Variants in CDH8 observed in about 807,000 individuals in gnomAD.
CDH8 encodes the protein cadherin-8.
In CDH8, 17 loss-of-function variants were observed where a neutral mutation model predicts 68.1. The observed-to-expected ratio is 0.25, with a 90% CI of 0.17 to 0.37. CDH8 has a LOEUF of 0.37. Among genes scored for constraint, CDH8 ranks in the 10% least tolerant of loss-of-function variants. The probability of loss-of-function intolerance (pLI) is 1.00; values close to 1 mark genes in which losing one functional copy is unlikely to be tolerated. For missense variants in CDH8, 763 were observed against 999.3 expected, an observed-to-expected ratio of 0.76 and a Z score of 3.19; for synonymous variants, 372 against 365.1, an observed-to-expected ratio of 1.02 and a Z score of -0.21.
chr16:61,771,336 A>T (rs544655548), intron 8 of CDH8, among the ~76,000 whole-genome samples: 48 of 151,744 alleles, frequency 3.2e-4, no homozygotes, highest in Non-Finnish European at 5.9e-4. Flanking sequence ...TGTGAAAAAC[A>T]GTTCAGCAGG....
intron 10 of CDH8, among the ~76,000 whole-genome samples, chr16:61,712,254 A>G (rs983544242): frequency 1.3e-5 from 2 of 151,674 alleles, no homozygotes; most frequent in African/African-American, 2.4e-5. Context: ...AAGGCATAAT[A>G]AATACGTGTC....
rs185581803 is a variant in CDH8 at position 61,916,402 on chromosome 16, C to G, written c.253-14929G>C. On this transcript the variant is annotated intron_variant, in intron 2 of 11. Transcript: ENST00000577390. ...TGGTGGCGCATGCCTGACGTCCCAG[C>G]TACTTGGGAGGCTGAGGCAGGGGAA... is the stretch of plus-strand genomic sequence containing the variant. 1.2e-4 allele frequency among the ~76,000 whole-genome samples: 19 copies of G among 152,212 alleles called. No individual in the cohort carries two copies. The East Asian group carries it at 3.5e-3, about 28-fold the overall frequency.
chr16:61,842,536 A>G (rs573076842), intron 4 of CDH8, among the ~76,000 whole-genome samples: 38 of 152,260 alleles, frequency 2.5e-4, no homozygotes, highest in Non-Finnish European at 5.3e-4. Context: ...TGTTTATTAT[A>G]AATTATCCAG....
intron 10 of CDH8, among the ~76,000 whole-genome samples, chr16:61,670,163 A>G (rs1963762409): frequency 6.6e-6 from 1 of 151,928 alleles, no homozygotes; most frequent in Non-Finnish European, 1.5e-5. Context: ...CATCCAATAA[A>G]CTCACTTCTT....
chr16:61,873,015 A>C (rs928740849), intron 3 of CDH8, among the ~76,000 whole-genome samples: 4 of 152,296 alleles, frequency 2.6e-5, no homozygotes, highest in African/African-American at 9.6e-5. Context: ...CATTCAGAAG[A>C]GCCTGGGAAA....
chr16:61,896,723 C>T (rs931782230), intron 3 of CDH8, among the ~76,000 whole-genome samples: 3 of 151,856 alleles, frequency 2.0e-5, no homozygotes, highest in African/African-American at 7.3e-5. Context: ...TGCATAAAAT[C>T]GATATATAAG....
chr16:61,767,731 T>C (rs778328786), intron 8 of CDH8, among the ~76,000 whole-genome samples: 3 of 151,912 alleles, frequency 2.0e-5, no homozygotes, highest in Non-Finnish European at 2.9e-5. Flanking sequence ...CTAAAGTGAA[T>C]GTTGCTTCAG....
intron 5 of CDH8, among the ~76,000 whole-genome samples, chr16:61,822,721 T>C (rs1250839657): frequency 6.6e-6 from 1 of 151,898 alleles, no homozygotes; most frequent in Non-Finnish European, 1.5e-5. Context: ...ATTGGTGTAA[T>C]GATTCCATTT....
At chr16:61,968,445 T>A (rs1965289049) in intron 2 of CDH8, among the ~76,000 whole-genome samples, 1 of 152,134 alleles carries the variant, frequency 6.6e-6, no homozygotes, top group African/African-American at 2.4e-5. Context: ...GGCACAATGG[T>A]GAGTCAAATC....
rs556956147 is a variant in CDH8 at position 62,000,193 on chromosome 16, G to A, written c.252+20959C>T. On this transcript the variant is annotated intron_variant, in intron 2 of 11. Transcript: ENST00000577390. ...ATATGTGCCACATTTTCTTTATCCA[G>A]TCTATCATTGATAAGCATTTGGGTT... 2.6e-5 allele frequency among the ~76,000 whole-genome samples: 4 copies of A among 152,188 alleles called. No homozygotes were observed. The South Asian group carries it at 6.2e-4, about 24-fold the overall frequency.
At chr16:61,878,905 C>T (rs1457632191) in intron 3 of CDH8, among the ~76,000 whole-genome samples, 1 of 152,128 alleles carries the variant, frequency 6.6e-6, no homozygotes, top group African/African-American at 2.4e-5. Flanking sequence ...TCTGCTGCCC[C>T]ACGTGAGTTT....
intron 2 of CDH8, among the ~76,000 whole-genome samples, chr16:61,963,172 G>C (rs1261272463): frequency 6.6e-6 from 1 of 152,110 alleles, no homozygotes; most frequent in Non-Finnish European, 1.5e-5. Context: ...CTTCCCCAGA[G>C]TAGAAAGCAA....
At chr16:61,748,216 A>C (rs1356267670) in intron 8 of CDH8, among the ~76,000 whole-genome samples, 3 of 105,730 alleles carry the variant, frequency 2.8e-5, no homozygotes, top group Non-Finnish European at 5.2e-5. Context: ...GCCATTTGAG[A>C]ATGTCATCAT....
intron 2 of CDH8, among the ~76,000 whole-genome samples, chr16:61,949,982 T>A (rs1258240063): frequency 7.6e-6 from 1 of 131,792 alleles, no homozygotes; most frequent in Non-Finnish European, 1.6e-5. Context: ...AGCAAGACCC[T>A]GTCTTAAAAA....
At chr16:61,835,320 C>T (rs1962545346) in intron 4 of CDH8, among the ~76,000 whole-genome samples, 1 of 151,912 alleles carries the variant, frequency 6.6e-6, no homozygotes, top group Non-Finnish European at 1.5e-5. Flanking sequence ...ACTAAAAAAA[C>T]TACAGCTTCT....
chr16:61,777,190 A>G (rs1402974555), intron 8 of CDH8, among the ~76,000 whole-genome samples: 1 of 152,098 alleles, frequency 6.6e-6, no homozygotes, highest in Non-Finnish European at 1.5e-5. Flanking sequence ...AAAGAAAACC[A>G]AAGCCTGAGG....
chr16:61,911,749 A>G (rs1406163311), intron 2 of CDH8, among the ~76,000 whole-genome samples: 1 of 152,136 alleles, frequency 6.6e-6, no homozygotes, highest in Non-Finnish European at 1.5e-5. Context: ...TTTTCAACAA[A>G]TAAACACCCA....
At chr16:61,829,709 G>A (rs992466920) in intron 4 of CDH8, among the ~76,000 whole-genome samples, 4 of 151,762 alleles carry the variant, frequency 2.6e-5, no homozygotes, top group African/African-American at 4.8e-5. Flanking sequence ...TCTCTAAGGC[G>A]AGTAGGAAGT....
At chr16:61,694,310 G>C (rs1317814750) in intron 10 of CDH8, among the ~76,000 whole-genome samples, 3 of 152,196 alleles carry the variant, frequency 2.0e-5, no homozygotes, top group African/African-American at 7.2e-5. Flanking sequence ...ATACTCTGTA[G>C]TGAGTTCTAT....
Sources: allele counts gnomAD v4.1 joint callset (sites outside exome capture counted in the v4.1 genomes callset), GRCh38; gene constraint gnomAD v4.1.1; transcripts MANE v1.5; gene names NCBI Gene and HGNC (gene_info 2026-07-23, HGNC 2026-07-21).